The following SCML4 variants were observed in gnomAD, a reference collection of about 807,000 sequenced individuals.
The protein encoded by SCML4 is Scm polycomb group protein like 4.
SCML4 carries 34 observed loss-of-function variants against 41.1 expected under a neutral mutation model. That is an observed-to-expected ratio of 0.83 (90% CI 0.63 to 1.10). The LOEUF (loss-of-function observed/expected upper bound fraction) is 1.10. SCML4 is among the 50% of genes least tolerant of loss of function. The probability of loss-of-function intolerance (pLI) is 0.00; values close to 1 mark genes in which losing one functional copy is unlikely to be tolerated. For synonymous variants in SCML4, 214 were observed against 220.9 expected (o/e 0.97, Z 0.28); for missense variants, 522 against 534.1 (o/e 0.98, Z 0.22).
intron 5 of SCML4, among the ~76,000 whole-genome samples, chr6:107,732,754 G>A (rs1026851945): frequency 1.6e-4 from 25 of 152,150 alleles, no homozygotes; most frequent in African/African-American, 6.0e-4. Context: ...GAGAGCTGGG[G>A]GAGGCGAAGT....
At chr6:107,772,481 C>T (rs1022590675) in intron 1 of SCML4, 95 bp from the exon 2 acceptor site, 45 of 649,712 alleles carry the variant, frequency 6.9e-5, no homozygotes, top group Non-Finnish European at 1.0e-4. Flanking sequence ...TTTGGCGATA[C>T]CTACCACTTA....
intron 5 of SCML4, among the ~76,000 whole-genome samples, chr6:107,734,608 C>T (rs7771120): frequency 0.027 from 4,081 of 152,196 alleles, 167 homozygotes; most frequent in African/African-American, 0.093. Context: ...ACATTTTTCC[C>T]TTTTAGTTCA....
chr6:107,841,005 G>A, the SCML4 span, among the ~76,000 whole-genome samples: 1 of 152,042 alleles, frequency 6.6e-6, no homozygotes, highest in Non-Finnish European at 1.5e-5. Flanking sequence ...TCTCCTCTAT[G>A]ATTTTTGTGA....
Position 107,708,017 on chromosome 6 carries a change from TG to T in SCML4, c.974-7del. On this transcript the variant is annotated splice_region_variant and splice_polypyrimidine_tract_variant and intron_variant, in intron 6 of 7. Transcript: ENST00000369020. ...ATCCTGAGAAGGGCTTGAGGCTGGA[TG>T]GGGCACAGAGAGGGAGACCATGAGC... 6.5e-7 allele frequency: 1 copy of T among 1,550,022 alleles called. No homozygotes were observed.
chr6:107,735,934 C>G (rs1777024944), intron 5 of SCML4, among the ~76,000 whole-genome samples: 1 of 152,194 alleles, frequency 6.6e-6, no homozygotes, highest in South Asian at 2.1e-4. Context: ...AAACTCTATA[C>G]CCATTAATCA....
intron 2 of SCML4, among the ~76,000 whole-genome samples, chr6:107,755,072 C>G (rs1013344222): frequency 2.6e-5 from 4 of 151,934 alleles, no homozygotes; most frequent in African/African-American, 9.7e-5. Flanking sequence ...CCACTACACT[C>G]CAGCCTGGGC....
intron 5 of SCML4, among the ~76,000 whole-genome samples, chr6:107,734,423 A>C (rs1776854680): frequency 6.6e-6 from 1 of 152,212 alleles, no homozygotes; most frequent in Non-Finnish European, 1.5e-5. Flanking sequence ...ACATTCATTC[A>C]TTGGTTAATA....
At chr6:107,731,165 A>G (rs1164803126) in intron 5 of SCML4, among the ~76,000 whole-genome samples, 1 of 152,174 alleles carries the variant, frequency 6.6e-6, no homozygotes, top group Non-Finnish European at 1.5e-5. Flanking sequence ...AAGTCCCAAA[A>G]CAGAGCGGCA....
chr6:107,754,504 A>G (rs992072673), intron 2 of SCML4, among the ~76,000 whole-genome samples: 1 of 152,174 alleles, frequency 6.6e-6, no homozygotes, highest in Non-Finnish European at 1.5e-5. Context: ...CTTGTGATGG[A>G]GAGGCTGGTG....
rs1777956041 is a variant in SCML4 at position 107,745,118 on chromosome 6, C to T, written c.513G>A (p.Gln171=). The change falls in exon 5 of 8, where the codon CAG becomes CAA. Residue 171 remains glutamine (Q), a synonymous_variant. Coordinates refer to ENST00000369020, the MANE Select transcript of SCML4 (RefSeq NM_198081.5). ...VSVSASFDGK[Q]HLRSLPVVNS... ...TCACCACAGGCAGGCTCCGCAGGTG[C>T]TGTTTGCCATCAAAGGAAGCCGAGA... is the stretch of plus-strand genomic sequence containing the variant. The T allele has an allele frequency of 6.3e-7, 1 of 1,594,738 alleles. No individual in the cohort carries two copies. The highest frequency in any genetic ancestry group is 8.5e-7 in the Non-Finnish European group (1 of 1,170,354).
In SCML4 at chr6:107,772,397, G is replaced by T; in HGVS notation, c.-59-11C>A. ...CAGGCAGAAGAGGTGCTAAGAATTA[G>T]TCCAGACACAAAGCAAAACAAAAAC... On this transcript the variant is annotated splice_polypyrimidine_tract_variant and intron_variant, in intron 1 of 7. Coordinates refer to ENST00000369020, the MANE Select transcript of SCML4 (RefSeq NM_198081.5). The T allele has an allele frequency of 7.2e-7, 1 of 1,394,852 alleles. No homozygotes were observed. The allele number at this position is 1,394,852 out of a possible 1,614,324, so 86.4% of individuals were successfully genotyped here.
chr6:107,717,180 T>C (rs7752307), intron 6 of SCML4, among the ~76,000 whole-genome samples: 67,756 of 107,836 alleles, frequency 0.63, 22,243 homozygotes, highest in Middle Eastern at 0.72. Context: ...AAAAGCCAGG[T>C]GTGGTGGCAG....
intron 2 of SCML4, among the ~76,000 whole-genome samples, chr6:107,769,882 G>T (rs1020425954): frequency 1.3e-5 from 2 of 152,184 alleles, no homozygotes; most frequent in East Asian, 3.9e-4. Flanking sequence ...AACAAAAAAT[G>T]TAAACAAATT....
rs538813371 is a variant in SCML4 at position 107,713,014 on chromosome 6, G to A, written c.974-5003C>T. Among the ~76,000 whole-genome samples, 5 of 152,382 alleles carry A rather than the reference G, an allele frequency of 3.3e-5. No homozygotes were observed. In the South Asian group the frequency reaches 6.2e-4, roughly 19 times the overall value. On this transcript the variant is annotated intron_variant, in intron 6 of 7. Transcript: ENST00000369020. ...TTGTCATTCCCTGCCAGAGGCATGT[G>A]AAAAGTGAAACCTAGTTATGAATGG...
chr6:107,733,994 T>C (rs1776811800), intron 5 of SCML4, among the ~76,000 whole-genome samples: 1 of 152,176 alleles, frequency 6.6e-6, no homozygotes, highest in Non-Finnish European at 1.5e-5. Context: ...GGGCGCCACA[T>C]GAGGGACTGT....
rs36148554 is a variant in SCML4 at position 107,751,572 on chromosome 6, A to ATCTTTCTTTCTTTCTTTCTTTCTTTCTT, written c.157-1787_157-1760dup. 9.7e-4 allele frequency among the ~76,000 whole-genome samples: 85 copies of ATCTTTCTTTCTTTCTTTCTTTCTTTCTT among 87,760 alleles called. 1 individual carries two copies. The highest frequency in any genetic ancestry group is 4.5e-3 in the East Asian group (12 of 2,640). 57.6% of individuals were successfully genotyped at this position (87,760 alleles called of 152,430 possible). A position where few individuals can be genotyped will look rare whatever the true frequency, so the allele number is the denominator to read the frequency against. On this transcript the variant is annotated intron_variant, in intron 2 of 7. Coordinates refer to ENST00000369020, the MANE Select transcript of SCML4 (RefSeq NM_198081.5). ...TAGGATTTAAACTAACATTTTAACA[A>ATCTTTCTTTCTTTCTTTCTTTCTTTCTT]TCTTTCTTTCTTTCTTTCTTTCTTT...
At chr6:107,761,689 G>A (rs1007011657) in intron 2 of SCML4, among the ~76,000 whole-genome samples, 1 of 151,892 alleles carries the variant, frequency 6.6e-6, no homozygotes, top group African/African-American at 2.4e-5. Flanking sequence ...TGCCCGCCTT[G>A]GCCTCCCAAA....
chr6:107,781,559 A>C (rs1468920718), intron 1 of SCML4, among the ~76,000 whole-genome samples: 1 of 151,546 alleles, frequency 6.6e-6, no homozygotes, highest in Non-Finnish European at 1.5e-5. Context: ...AAGTGGGAGG[A>C]TTGCTGGAGC....
intron 6 of SCML4, among the ~76,000 whole-genome samples, chr6:107,708,918 T>C (rs1583363765): frequency 2.0e-5 from 3 of 152,314 alleles, no homozygotes; most frequent in African/African-American, 4.8e-5. Context: ...AGCCAGCTCC[T>C]CTTCCTATCT....
Sources: gnomAD v4.1 joint callset for allele counts (sites outside exome capture counted in the v4.1 genomes callset) on GRCh38, gnomAD v4.1.1 for gene constraint, MANE v1.5 for transcripts, NCBI Gene and HGNC (gene_info 2026-07-23, HGNC 2026-07-21) for gene names.